ACOXL: variants seen among roughly 807,000 people sequenced by gnomAD.
ACOXL encodes acyl-coenzyme A oxidase-like protein.
ACOXL carries 70 observed loss-of-function variants against 71.9 expected under a neutral mutation model. That is an observed-to-expected ratio of 0.97 (90% confidence interval 0.80 to 1.19). ACOXL has a LOEUF of 1.19. Ranked by LOEUF, ACOXL falls within the 50% of genes most tolerant of loss-of-function variation. The probability of loss-of-function intolerance (pLI) is 0.00; values close to 1 mark genes in which losing one functional copy is unlikely to be tolerated. For synonymous variants in ACOXL, 253 were observed against 281.6 expected, an observed-to-expected ratio of 0.90 and a Z score of 1.02; for missense variants, 703 against 736.3, an observed-to-expected ratio of 0.95 and a Z score of 0.52.
chr2:111,065,962 T>C (rs916774619), intron 16 of ACOXL, among the ~76,000 whole-genome samples: 9 of 151,986 alleles, frequency 5.9e-5, no homozygotes, highest in Admixed American at 5.9e-4. Flanking sequence ...TGAAAAAGAG[T>C]GTAGCAGCTT....
chr2:110,862,498 GA>G (rs1694073539), intron 10 of ACOXL, among the ~76,000 whole-genome samples: 2 of 152,238 alleles, frequency 1.3e-5, no homozygotes, highest in African/African-American at 4.8e-5. Flanking sequence ...AAAAGAAACA[GA>G]GAGAGAGAGC....
intron 4 of ACOXL, 93 bp from the exon 5 acceptor site, chr2:110,793,983 C>G: frequency 1.5e-6 from 2 of 1,314,062 alleles, no homozygotes; most frequent in Non-Finnish European, 2.2e-6. Context: ...CCACCTGTCC[C>G]TCTCTCACCA....
intron 1 of ACOXL, among the ~76,000 whole-genome samples, chr2:110,763,141 A>G (rs1680621491): frequency 6.6e-6 from 1 of 152,260 alleles, no homozygotes. Context: ...ACGTCATCTC[A>G]ATCAAAATCT....
chr2:111,090,767 C>T (rs754811208), intron 16 of ACOXL, among the ~76,000 whole-genome samples: 52 of 152,160 alleles, frequency 3.4e-4, no homozygotes, highest in Non-Finnish European at 1.0e-4. Context: ...CTGGACAAGA[C>T]GCTGAATGAC....
rs190571680 is a variant in ACOXL, at chr2:110,753,045, G to C, written c.-22-15323G>C. Among the ~76,000 whole-genome samples the C allele has an allele frequency of 1.1e-3, 163 of 152,242 alleles. 2 individuals are homozygous for C. Among genetic ancestry groups the C allele is most frequent in the African/African-American group, 3.8e-3 (156 of 41,538 alleles). ...AGTGGGAGGTGTTTGGGTCATGGGG[G>C]CAAATTCTTCATGAATGGCTTGGTG... On this transcript the variant is annotated intron_variant, in intron 1 of 17. Transcript: ENST00000439055.
intron 12 of ACOXL, among the ~76,000 whole-genome samples, chr2:110,949,901 C>T (rs1485036948): frequency 6.6e-6 from 1 of 152,196 alleles, no homozygotes; most frequent in African/African-American, 2.4e-5. Context: ...AATTCAGGAC[C>T]TTGTCCCCTT....
intron 16 of ACOXL, among the ~76,000 whole-genome samples, chr2:111,087,283 A>G (rs137973394): frequency 0.011 from 1,660 of 152,324 alleles, 23 homozygotes; most frequent in African/African-American, 0.037. Flanking sequence ...GACATTCTTC[A>G]CAGAAGTAGG....
chr2:111,078,463 C>T (rs2067720737), intron 16 of ACOXL, among the ~76,000 whole-genome samples: 1 of 152,076 alleles, frequency 6.6e-6, no homozygotes, highest in African/African-American at 2.4e-5. Flanking sequence ...CGGGTTTCAC[C>T]ATGTTGGCCA....
At chr2:110,955,246 C>T (rs1171008507) in intron 12 of ACOXL, among the ~76,000 whole-genome samples, 1 of 152,018 alleles carries the variant, frequency 6.6e-6, no homozygotes, top group Non-Finnish European at 1.5e-5. Flanking sequence ...TATCTGCTGC[C>T]TCTGCAGTTT....
chr2:111,028,278 T>G (rs548259514), intron 14 of ACOXL, among the ~76,000 whole-genome samples: 1 of 151,922 alleles, frequency 6.6e-6, no homozygotes, highest in East Asian at 1.9e-4. Context: ...ACTTACTCCT[T>G]TTTGTTTGTT....
chr2:110,848,718 C>G (rs368504771), intron 10 of ACOXL, among the ~76,000 whole-genome samples: 15 of 152,178 alleles, frequency 9.9e-5, no homozygotes, highest in Admixed American at 6.5e-5. Flanking sequence ...GCTCTGACCA[C>G]GTGACCATTT....
chr2:110,743,557 C>T (rs778295254), intron 1 of ACOXL, among the ~76,000 whole-genome samples: 3 of 152,160 alleles, frequency 2.0e-5, no homozygotes, highest in Non-Finnish European at 4.4e-5. Flanking sequence ...TTCAGAGACT[C>T]AGGGAGGAGG....
At chr2:110,801,974 T>C (rs143526061) in intron 8 of ACOXL, among the ~76,000 whole-genome samples, 22 of 152,342 alleles carry the variant, frequency 1.4e-4, no homozygotes, top group Admixed American at 4.6e-4. Context: ...CAGACTTTTC[T>C]CTATGCCCAT....
chr2:110,939,532 C>G (rs191247235), intron 12 of ACOXL, among the ~76,000 whole-genome samples: 3 of 152,264 alleles, frequency 2.0e-5, no homozygotes, highest in African/African-American at 4.8e-5. Context: ...GTAGGTGTAC[C>G]ATAATGCATT....
rs1395827898 is a variant in ACOXL at position 110,987,368 on chromosome 2, C to G, written c.1169+151C>G. On this transcript the variant is annotated intron_variant, in intron 13 of 17. Transcript: ENST00000439055. Reference sequence around the variant, plus strand: ...TGAATCTGTAAAATGAATACTCATACACTCACTACCAACTTAAAAACTAAA... The same window carrying G: ...TGAATCTGTAAAATGAATACTCATAGACTCACTACCAACTTAAAAACTAAA... 1.4e-5 allele frequency: 9 copies of G among 657,212 alleles called. No homozygotes were observed. In the East Asian group the frequency reaches 2.5e-4, roughly 18 times the overall value. The allele number at this position is 657,212 out of a possible 1,614,324, so 40.7% of individuals were successfully genotyped here.
At chr2:110,825,143 G>T (rs1433237195) in intron 9 of ACOXL, among the ~76,000 whole-genome samples, 1 of 152,166 alleles carries the variant, frequency 6.6e-6, no homozygotes. Flanking sequence ...AGAATTAGGG[G>T]ATCTACTTCT....
intron 10 of ACOXL, among the ~76,000 whole-genome samples, chr2:110,866,967 T>G (rs1222794150): frequency 1.3e-5 from 2 of 152,128 alleles, no homozygotes; most frequent in African/African-American, 4.8e-5. Flanking sequence ...CTGGCCAGGG[T>G]GCAAGGGGCC....
At chr2:111,022,579 C>T (rs1175444463) in intron 14 of ACOXL, among the ~76,000 whole-genome samples, 2 of 152,066 alleles carry the variant, frequency 1.3e-5, no homozygotes, top group African/African-American at 2.4e-5. Context: ...GTCAGGATAC[C>T]CCCAAGGCAA....
At chr2:110,948,297 T>G (rs998652651) in intron 12 of ACOXL, among the ~76,000 whole-genome samples, 6 of 152,204 alleles carry the variant, frequency 3.9e-5, no homozygotes, top group African/African-American at 1.4e-4. Context: ...GCGATTATAT[T>G]TAATGATTGC....
Sources: gnomAD v4.1 joint callset for allele counts (sites outside exome capture counted in the v4.1 genomes callset) on GRCh38, gnomAD v4.1.1 for gene constraint, MANE v1.5 for transcripts, NCBI Gene and HGNC (gene_info 2026-07-23, HGNC 2026-07-21) for gene names.